The following KCNK2 variants were observed in gnomAD, a reference collection of about 807,000 sequenced individuals.
The protein encoded by KCNK2 is potassium two pore domain channel subfamily K member 2, also known as potassium channel subfamily K member 2.
In KCNK2, 21 loss-of-function variants were observed where a neutral mutation model predicts 40.5. The observed-to-expected ratio is 0.52, with a 90% confidence interval of 0.37 to 0.75. KCNK2 has a LOEUF of 0.75. Among genes scored for constraint, KCNK2 ranks in the 30% least tolerant of loss-of-function variants. The pLI, the probability that KCNK2 is intolerant of heterozygous loss-of-function variation, is 0.00. For synonymous variants in KCNK2, 191 were observed against 202.2 expected (o/e 0.94, Z 0.47); for missense variants, 399 against 531.6 (o/e 0.75, Z 2.45).
At chr1:215,086,781 A>G in intron 2 of KCNK2, 103 bp downstream of exon 2, 6 of 1,020,982 alleles carry the variant, frequency 5.9e-6, no homozygotes, top group South Asian at 1.5e-5. Context: ...TGCTGGTGGG[A>G]GCCCTATCCC....
intron 2 of KCNK2, among the ~76,000 whole-genome samples, chr1:215,122,171 G>C (rs1269107140): frequency 6.6e-6 from 1 of 152,042 alleles, no homozygotes; most frequent in East Asian, 1.9e-4. Flanking sequence ...TCAATACATA[G>C]AGATTCATAC....
intron 1 of KCNK2, among the ~76,000 whole-genome samples, chr1:215,075,971 C>T (rs1434045570): frequency 6.6e-6 from 1 of 152,148 alleles, no homozygotes; most frequent in African/African-American, 2.4e-5. Flanking sequence ...GGGGGTGGGC[C>T]CCATAATCTG....
intron 5 of KCNK2, among the ~76,000 whole-genome samples, chr1:215,178,039 C>T (rs1405814648): frequency 6.6e-6 from 1 of 151,798 alleles, no homozygotes; most frequent in African/African-American, 2.4e-5. Context: ...TTTTGTGTTA[C>T]CTATAATTTC....
rs185348023 is a variant in KCNK2 at position 215,192,259 on chromosome 1, T to C, written c.824-2694T>C. The stretch of plus-strand genomic sequence containing the variant: ...GAGTTGTTTGACAATATTTCTTATA[T>C]ATAGTATTCGTTTTTCCTAGATCAT... On this transcript the variant is annotated intron_variant, in intron 5 of 6. Transcript: ENST00000444842. Among the ~76,000 whole-genome samples, 701 of 152,268 alleles carry C rather than the reference T, an allele frequency of 4.6e-3. 6 individuals are homozygous for C. The highest frequency in any genetic ancestry group is 0.016 in the African/African-American group (661 of 41,566).
chr1:215,084,595 AAC>A (rs1427626621), intron 1 of KCNK2, among the ~76,000 whole-genome samples: 2 of 152,132 alleles, frequency 1.3e-5, no homozygotes, highest in African/African-American at 4.8e-5. Flanking sequence ...CTTCCATTTT[AAC>A]AGTTTTTTTT....
At chr1:215,084,888 G>A (rs187107784) in intron 1 of KCNK2, among the ~76,000 whole-genome samples, 9 of 152,276 alleles carry the variant, frequency 5.9e-5, no homozygotes, top group African/African-American at 1.2e-4. Flanking sequence ...TGCTGACTGA[G>A]GATCCTGCCT....
At chr1:215,013,165 A>G (rs1189661797) in intron 1 of KCNK2, among the ~76,000 whole-genome samples, 2 of 152,152 alleles carry the variant, frequency 1.3e-5, no homozygotes, top group African/African-American at 4.8e-5. Flanking sequence ...TGTATAAGAT[A>G]TGAGGTGTGG....
At chr1:215,073,808 A>G (rs191056960) in intron 1 of KCNK2, among the ~76,000 whole-genome samples, 76 of 152,328 alleles carry the variant, frequency 5.0e-4, no homozygotes, top group Non-Finnish European at 8.5e-4. Context: ...AAATGGCTGG[A>G]CATGGTAAGC....
intron 6 of KCNK2, among the ~76,000 whole-genome samples, chr1:215,229,428 C>A (rs1666526299): frequency 6.6e-6 from 1 of 151,960 alleles, no homozygotes; most frequent in African/African-American, 2.4e-5. Flanking sequence ...CTTTAGGAGG[C>A]TAAGGCAGGA....
At chr1:215,052,852 A>C (rs1658034613) in intron 1 of KCNK2, among the ~76,000 whole-genome samples, 1 of 152,170 alleles carries the variant, frequency 6.6e-6, no homozygotes, top group Non-Finnish European at 1.5e-5. Flanking sequence ...ATTGGGTAGA[A>C]TTAAGTAGCA....
intron 3 of KCNK2, among the ~76,000 whole-genome samples, chr1:215,132,546 C>T (rs755428934): frequency 1.3e-5 from 2 of 151,948 alleles, no homozygotes; most frequent in African/African-American, 2.4e-5. Flanking sequence ...TATGCAAGCT[C>T]GTGAAAGTAG....
rs1047589934 is a variant in KCNK2, at chr1:215,086,303, G to A, written c.47-65G>A. 4 of 1,358,956 alleles carry A rather than the reference G, an allele frequency of 2.9e-6. No homozygotes were observed. In the Admixed American group the frequency reaches 7.2e-5, roughly 24 times the overall value. The allele number at this position is 1,358,956 out of a possible 1,614,324, so 84.2% of individuals were successfully genotyped here. Reference sequence around the variant, plus strand: ...AATCAACCTTCTCTGACCCCTTAAAGAAGAAGCCCGACCAATTCCCTTCTC... The same window carrying A: ...AATCAACCTTCTCTGACCCCTTAAAAAAGAAGCCCGACCAATTCCCTTCTC... On this transcript the variant is annotated intron_variant, in intron 1 of 6. Coordinates refer to ENST00000444842, the MANE Select transcript of KCNK2 (RefSeq NM_001017425.3).
chr1:215,149,850 A>C (rs1275818293), intron 3 of KCNK2, among the ~76,000 whole-genome samples: 2 of 152,204 alleles, frequency 1.3e-5, no homozygotes, highest in Non-Finnish European at 2.9e-5. Flanking sequence ...AAACTTTATC[A>C]GGTATTCTTG....
chr1:215,196,088 T>A (rs1244639332), intron 6 of KCNK2, among the ~76,000 whole-genome samples: 1 of 5,142 alleles, frequency 1.9e-4, no homozygotes, highest in Non-Finnish European at 7.1e-3. Context: ...AGTCATATAA[T>A]TTTTTTTTTT....
At chr1:215,022,135 CT>C (rs1656821850) in intron 1 of KCNK2, among the ~76,000 whole-genome samples, 3 of 50,542 alleles carry the variant, frequency 5.9e-5, no homozygotes, top group African/African-American at 8.2e-5. Context: ...ATCTAATCAT[CT>C]ATCTATCTAA....
At chr1:215,060,487 C>CTGAGT (rs765449684) in intron 1 of KCNK2, among the ~76,000 whole-genome samples, 1 of 152,158 alleles carries the variant, frequency 6.6e-6, no homozygotes, top group Non-Finnish European at 1.5e-5. Context: ...GACTGAGTAA[C>CTGAGT]ACCTAGATGC....
chr1:215,120,677 G>A (rs1661151829), intron 2 of KCNK2, among the ~76,000 whole-genome samples: 1 of 152,028 alleles, frequency 6.6e-6, no homozygotes, highest in South Asian at 2.1e-4. Context: ...ATAACAGCAT[G>A]ATGATCACAA....
chr1:215,230,112 C>T (rs1335188739), intron 6 of KCNK2, among the ~76,000 whole-genome samples: 2 of 147,408 alleles, frequency 1.4e-5, no homozygotes, highest in African/African-American at 2.5e-5. Flanking sequence ...CACACACACA[C>T]ACACACACAC....
chr1:215,153,620 A>AT (rs1240012546), intron 3 of KCNK2, among the ~76,000 whole-genome samples: 5 of 150,674 alleles, frequency 3.3e-5, no homozygotes, highest in African/African-American at 1.2e-4. Context: ...GTCTAATTTA[A>AT]TTTTTTTTAA....
Sources: allele counts gnomAD v4.1 joint callset (sites outside exome capture counted in the v4.1 genomes callset), GRCh38; gene constraint gnomAD v4.1.1; transcripts MANE v1.5; gene names NCBI Gene and HGNC (gene_info 2026-07-23, HGNC 2026-07-21).